ADAM23: variants seen among roughly 807,000 people sequenced by gnomAD.
ADAM23 encodes the protein ADAM metallopeptidase domain 23.
Under a neutral mutation model 120.1 loss-of-function variants are expected in ADAM23, and 33 were observed. That is an observed-to-expected ratio of 0.27 (90% confidence interval 0.21 to 0.37). The LOEUF is 0.37. Ranked by LOEUF, ADAM23 falls within the 10% of genes least tolerant of loss-of-function variation. The pLI, the probability that ADAM23 is intolerant of heterozygous loss-of-function variation, is 1.00. For missense variants in ADAM23, 862 were observed against 1,058.2 expected (o/e 0.81, Z 2.57); for synonymous variants, 367 against 375.2 (o/e 0.98, Z 0.25).
chr2:206,521,877 G>GT (rs1480768485), intron 3 of ADAM23, among the ~76,000 whole-genome samples: 2 of 152,158 alleles, frequency 1.3e-5, no homozygotes, highest in African/African-American at 4.8e-5. Context: ...CTGCATGCCA[G>GT]TTTTCCTACA....
chr2:206,552,149 A>G (rs1697540711), intron 9 of ADAM23, among the ~76,000 whole-genome samples: 1 of 152,208 alleles, frequency 6.6e-6, no homozygotes, highest in African/African-American at 2.4e-5. Context: ...GCTTTTTTCA[A>G]CATCCATTAT....
chr2:206,445,453 A>T lies in ADAM23; in HGVS notation c.361A>T (p.Ile121Phe). Reference protein sequence around the residue: ...ITLPSRLIYYINQDSESPYHV... With the variant: ...ITLPSRLIYYFNQDSESPYHV... The stretch of plus-strand genomic sequence containing the variant: ...ACTGCCTTCAAGACTCATATATTAC[A>T]TCAACCAAGACTCGGAAAGCCCTTA... Residue 121 changes from isoleucine (I) to phenylalanine (F), a missense_variant, in exon 2 of 26, where the codon ATC (isoleucine) becomes TTC (phenylalanine). By Grantham distance (21) the Ile-to-Phe change is conservative (BLOSUM62 0). Transcript: ENST00000264377. The T allele has an allele frequency of 6.2e-7, 1 of 1,614,188 alleles. No homozygotes were observed. The highest frequency in any genetic ancestry group is 8.5e-7 in the Non-Finnish European group (1 of 1,180,024).
chr2:206,446,165 T>C (rs1695078771), intron 2 of ADAM23, among the ~76,000 whole-genome samples: 1 of 152,252 alleles, frequency 6.6e-6, no homozygotes, highest in Non-Finnish European at 1.5e-5. Flanking sequence ...GCATTGATTA[T>C]GAGCAGTTGC....
At chr2:206,596,227 GTATAACATTC>G in intron 24 of ADAM23, 65 bp downstream of exon 24, 1 of 1,222,968 alleles carries the variant, frequency 8.2e-7, no homozygotes, top group Non-Finnish European at 1.2e-6. Flanking sequence ...CAATGCACCA[GTATAACATTC>G]TAATTGACTT....
chr2:206,569,920 C>T (rs529980122), intron 15 of ADAM23, among the ~76,000 whole-genome samples: 4 of 152,192 alleles, frequency 2.6e-5, no homozygotes, highest in African/African-American at 9.6e-5. Context: ...ATTTAGGGCT[C>T]AGAGCATTTG....
At chr2:206,456,446 C>G (rs1695302831) in intron 2 of ADAM23, among the ~76,000 whole-genome samples, 1 of 152,122 alleles carries the variant, frequency 6.6e-6, no homozygotes, top group African/African-American at 2.4e-5. Flanking sequence ...CAACCCTGGA[C>G]TGGTGACTAT....
chr2:206,535,381 T>C (rs1267524270), intron 4 of ADAM23, among the ~76,000 whole-genome samples: 1 of 152,184 alleles, frequency 6.6e-6, no homozygotes, highest in Non-Finnish European at 1.5e-5. Context: ...GTGTGGCTGC[T>C]TGGCAGAACA....
intron 4 of ADAM23, among the ~76,000 whole-genome samples, chr2:206,540,180 TAAAAAAGAA>T (rs969242516): frequency 6.8e-6 from 1 of 147,154 alleles, no homozygotes; most frequent in African/African-American, 2.6e-5. Flanking sequence ...AGACTGTCTT[TAAAAAAGAA>T]AAGAAAAGAA....
Position 206,575,822 on chromosome 2 carries a change from G to A in ADAM23, c.1737+2627G>A, listed in dbSNP as rs114996585. Among the ~76,000 whole-genome samples the A allele has an allele frequency of 3.3e-3, 509 of 152,224 alleles. 3 individuals carry two copies. Among genetic ancestry groups the A allele is most frequent in the African/African-American group, 0.012 (478 of 41,524 alleles). On this transcript the variant is annotated intron_variant, in intron 18 of 25. Transcript: ENST00000264377. ...ATAAAAGAATGGCAGAACTGTGGCG[G>A]AATGCCTAGTTCTTCTTCCCAAGCT...
At chr2:206,599,308 C>G (rs770852940) in intron 24 of ADAM23, among the ~76,000 whole-genome samples, 15 of 151,212 alleles carry the variant, frequency 9.9e-5, no homozygotes, top group Non-Finnish European at 2.2e-4. Flanking sequence ...GCAAAGTTAT[C>G]TATTGGTTCT....
chr2:206,596,955 A>G (rs1698539962), intron 24 of ADAM23, among the ~76,000 whole-genome samples: 1 of 136,216 alleles, frequency 7.3e-6, no homozygotes, highest in Non-Finnish European at 1.5e-5. Flanking sequence ...TCACCCAGGT[A>G]AGAGTGTAGT....
At chr2:206,497,455 C>T (rs888514263) in intron 3 of ADAM23, among the ~76,000 whole-genome samples, 3 of 152,136 alleles carry the variant, frequency 2.0e-5, no homozygotes, top group African/African-American at 7.2e-5. Context: ...TTCAACAACC[C>T]TTCATGCTAA....
chr2:206,563,313 A>G (rs1462030601), intron 13 of ADAM23, among the ~76,000 whole-genome samples: 3 of 152,198 alleles, frequency 2.0e-5, no homozygotes, highest in Admixed American at 6.5e-5. Flanking sequence ...ATCATTCTAT[A>G]TTTTATATTC....
intron 3 of ADAM23, among the ~76,000 whole-genome samples, chr2:206,499,867 A>C (rs1013729315): frequency 2.0e-5 from 3 of 152,064 alleles, no homozygotes; most frequent in East Asian, 1.9e-4. Flanking sequence ...AAAATGAGCA[A>C]ACCTTAAGAC....
At chr2:206,549,324 G>C (rs1697464479) in intron 8 of ADAM23, among the ~76,000 whole-genome samples, 1 of 151,374 alleles carries the variant, frequency 6.6e-6, no homozygotes, top group Non-Finnish European at 1.5e-5. Context: ...AGATGTGGTT[G>C]GTAATAATAT....
intron 3 of ADAM23, among the ~76,000 whole-genome samples, chr2:206,509,470 A>T (rs1450664184): frequency 6.6e-6 from 1 of 151,758 alleles, no homozygotes; most frequent in Non-Finnish European, 1.5e-5. Context: ...TCTTTTGGAG[A>T]TGGAGTCTCG....
intron 18 of ADAM23, among the ~76,000 whole-genome samples, chr2:206,575,935 G>GA (rs573863628): frequency 2.7e-4 from 41 of 152,106 alleles, no homozygotes; most frequent in African/African-American, 9.6e-4. Flanking sequence ...TTAACCAGAA[G>GA]AAAAAATGAG....
At chr2:206,520,560 G>A (rs796720405) in intron 3 of ADAM23, among the ~76,000 whole-genome samples, 8 of 151,860 alleles carry the variant, frequency 5.3e-5, no homozygotes, top group African/African-American at 1.9e-4. Flanking sequence ...AGTATCTTCG[G>A]CCGTTAATTG....
chr2:206,565,908 A>AC (rs1697867265), intron 14 of ADAM23, among the ~76,000 whole-genome samples: 3 of 151,874 alleles, frequency 2.0e-5, no homozygotes, highest in Admixed American at 2.0e-4. Context: ...TAGGAGTCCA[A>AC]CTCCTGGGGA....
Sources: allele counts gnomAD v4.1 joint callset (sites outside exome capture counted in the v4.1 genomes callset), GRCh38; gene constraint gnomAD v4.1.1; transcripts MANE v1.5; gene names NCBI Gene and HGNC (gene_info 2026-07-23, HGNC 2026-07-21).